TMTC2: variants seen among roughly 807,000 people sequenced by gnomAD.
The protein encoded by TMTC2 is transmembrane O-mannosyltransferase targeting cadherins 2.
A neutral mutation model predicts 82.4 loss-of-function variants in TMTC2; 43 were observed. That is an observed-to-expected ratio of 0.52 (90% CI 0.41 to 0.67). The LOEUF (loss-of-function observed/expected upper bound fraction) is 0.67. Among genes scored for constraint, TMTC2 ranks in the 30% least tolerant of loss-of-function variants. TMTC2 has a pLI of 0.00. For synonymous variants in TMTC2, 408 were observed against 381.9 expected, an observed-to-expected ratio of 1.07 and a Z score of -0.80; for missense variants, 919 against 1,012.4, an observed-to-expected ratio of 0.91 and a Z score of 1.25.
intron 8 of TMTC2, among the ~76,000 whole-genome samples, chr12:82,990,636 T>G (rs2137347331): frequency 6.6e-6 from 1 of 152,204 alleles, no homozygotes; most frequent in Middle Eastern, 3.4e-3. Flanking sequence ...GAATGACACA[T>G]ACATATGTGT....
intron 8 of TMTC2, among the ~76,000 whole-genome samples, chr12:82,992,763 T>C (rs187385219): frequency 1.8e-3 from 275 of 152,294 alleles, no homozygotes; most frequent in African/African-American, 5.9e-3. Context: ...TTGCTGTCAC[T>C]AAGTGACACA....
chr12:82,895,767 A>G, intron 2 of TMTC2, 51 bp from the exon 3 acceptor site: 1 of 1,500,072 alleles, frequency 6.7e-7, no homozygotes, highest in South Asian at 1.3e-5. Context: ...AAGTGTTCCC[A>G]TGCTGTACTG....
chr12:82,840,723 G>T (rs1347357653), intron 1 of TMTC2, among the ~76,000 whole-genome samples: 1 of 152,164 alleles, frequency 6.6e-6, no homozygotes, highest in Non-Finnish European at 1.5e-5. Flanking sequence ...TGAATTTGGG[G>T]TCAGCAAAAG....
intron 8 of TMTC2, among the ~76,000 whole-genome samples, chr12:83,024,095 A>T (rs2137410352): frequency 6.6e-6 from 1 of 152,260 alleles, no homozygotes; most frequent in East Asian, 1.9e-4. Context: ...AGAAGAGAGG[A>T]TTTGAAATGT....
chr12:82,769,611 A>G (rs1293325405), intron 1 of TMTC2, among the ~76,000 whole-genome samples: 3 of 152,094 alleles, frequency 2.0e-5, no homozygotes, highest in Non-Finnish European at 4.4e-5. Flanking sequence ...TGTTAAAGAC[A>G]CTTACTATTT....
At chr12:82,871,623 G>A (rs960287593) in intron 2 of TMTC2, among the ~76,000 whole-genome samples, 2 of 151,748 alleles carry the variant, frequency 1.3e-5, no homozygotes, top group South Asian at 4.2e-4. Context: ...ATTTAGCCTG[G>A]TTAGGGAAGA....
chr12:82,958,376 A>AAAAAAAAAAAAAAAAAAAAT (rs1877734786), intron 4 of TMTC2, among the ~76,000 whole-genome samples: 1 of 98,746 alleles, frequency 1.0e-5, no homozygotes, highest in African/African-American at 4.8e-5. Flanking sequence ...AAAAACAAAA[A>AAAAAAAAAAAAAAAAAAAAT]AAACAAAAAA....
intron 1 of TMTC2, among the ~76,000 whole-genome samples, chr12:82,797,744 G>A (rs949634456): frequency 5.3e-5 from 8 of 151,922 alleles, no homozygotes; most frequent in African/African-American, 1.4e-4. Context: ...TGTTTTTGAA[G>A]GATTTTAGGT....
intron 2 of TMTC2, among the ~76,000 whole-genome samples, chr12:82,887,021 G>A (rs957926356): frequency 1.3e-5 from 2 of 152,102 alleles, no homozygotes; most frequent in Non-Finnish European, 2.9e-5. Flanking sequence ...TGTTATGTCT[G>A]GATAGCCTTT....
At chr12:83,116,794 C>T (rs1884777947) in intron 11 of TMTC2, among the ~76,000 whole-genome samples, 1 of 151,502 alleles carries the variant, frequency 6.6e-6, no homozygotes, top group Non-Finnish European at 1.5e-5. Flanking sequence ...TTTTTTCTTA[C>T]TCACTTGTTT....
At chr12:82,696,618 G>A (rs928099770) in intron 1 of TMTC2, among the ~76,000 whole-genome samples, 2 of 151,990 alleles carry the variant, frequency 1.3e-5, no homozygotes, top group African/African-American at 4.8e-5. Flanking sequence ...AAACAGTGGT[G>A]TTTTTTGGCT....
At chr12:82,812,309 T>C (rs1868443389) in intron 1 of TMTC2, among the ~76,000 whole-genome samples, 1 of 152,074 alleles carries the variant, frequency 6.6e-6, no homozygotes, top group Non-Finnish European at 1.5e-5. Context: ...AGTGGTTGTA[T>C]TGAGATTGAT....
intron 8 of TMTC2, among the ~76,000 whole-genome samples, chr12:82,997,368 GTA>G (rs374059079): frequency 0.035 from 1,186 of 33,630 alleles, 122 homozygotes; most frequent in African/African-American, 0.041. Flanking sequence ...ATATATATGT[GTA>G]TATATATATA....
At chr12:82,717,011 A>G (rs1432565249) in intron 1 of TMTC2, among the ~76,000 whole-genome samples, 2 of 152,174 alleles carry the variant, frequency 1.3e-5, no homozygotes, top group Non-Finnish European at 2.9e-5. Flanking sequence ...CCACATGTAA[A>G]GCATCACGAA....
chr12:82,947,444 GC>G (rs1432424618), intron 4 of TMTC2, among the ~76,000 whole-genome samples: 1 of 150,602 alleles, frequency 6.6e-6, no homozygotes, highest in Non-Finnish European at 1.5e-5. Context: ...CCGGGTTCAC[GC>G]CATTCTCCTG....
chr12:82,718,953 T>C (rs1241833971), intron 1 of TMTC2, among the ~76,000 whole-genome samples: 1 of 151,082 alleles, frequency 6.6e-6, no homozygotes, highest in Non-Finnish European at 1.5e-5. Context: ...AGTTTAATCC[T>C]ATTGATTATA....
chr12:82,774,188 CAT>C (rs553099283), intron 1 of TMTC2, among the ~76,000 whole-genome samples: 72 of 152,090 alleles, frequency 4.7e-4, no homozygotes, highest in African/African-American at 1.3e-3. Flanking sequence ...TATATACACA[CAT>C]GTGTATATAT....
intron 1 of TMTC2, among the ~76,000 whole-genome samples, chr12:82,715,908 G>T (rs1440617180): frequency 6.6e-6 from 1 of 152,170 alleles, no homozygotes; most frequent in Non-Finnish European, 1.5e-5. Context: ...GTAGAAATCA[G>T]ATAATGACAA....
At chr12:82,818,728 A>G (rs1415258522) in intron 1 of TMTC2, among the ~76,000 whole-genome samples, 1 of 152,122 alleles carries the variant, frequency 6.6e-6, no homozygotes, top group Admixed American at 6.5e-5. Context: ...TCACTTATTT[A>G]CTTTCTCATG....
Sources: gnomAD v4.1 joint callset for allele counts (sites outside exome capture counted in the v4.1 genomes callset) on GRCh38, gnomAD v4.1.1 for gene constraint, MANE v1.5 for transcripts, NCBI Gene and HGNC (gene_info 2026-07-23, HGNC 2026-07-21) for gene names.